IGDCC4: variants seen among roughly 807,000 people sequenced by gnomAD.
IGDCC4 encodes immunoglobulin superfamily DCC subclass member 4.
In IGDCC4, 72 loss-of-function variants were observed where a neutral mutation model predicts 116.6. The observed-to-expected ratio is 0.62, with a 90% CI of 0.51 to 0.75. IGDCC4 has a LOEUF of 0.75. Among genes scored for constraint, IGDCC4 ranks in the 30% least tolerant of loss-of-function variants. IGDCC4 has a pLI of 0.00. For synonymous variants in IGDCC4, 709 were observed against 719.9 expected, an observed-to-expected ratio of 0.98 and a Z score of 0.24; for missense variants, 1,501 against 1,662.4, an observed-to-expected ratio of 0.90 and a Z score of 1.69.
At chr15:65,385,526 G>A in intron 18 of IGDCC4, 1 of 553,252 alleles carries the variant, frequency 1.8e-6, no homozygotes, top group Non-Finnish European at 3.2e-6. Flanking sequence ...ACACGGGGAT[G>A]TCTGGGTCTC....
At position 65,388,933 on chromosome 15, in the gene IGDCC4, G is replaced by A. The variant is rs576203297; in HGVS notation, c.2582C>T (p.Pro861Leu). The A allele has an allele frequency of 1.5e-5, 24 of 1,612,552 alleles. No individual in the cohort carries two copies. The highest frequency in any genetic ancestry group is 1.8e-5 in the Non-Finnish European group (21 of 1,179,348). The change falls in exon 15 of 20, where the codon CCG becomes CTG. Residue 861 changes from proline to leucine, a missense_variant. Pro to Leu is a moderately conservative substitution (Grantham distance 98). Transcript: ENST00000352385. The part of the protein sequence containing the change: ...PSDLRLSPLT[P>L]STVRLHWCPP... The stretch of plus-strand genomic sequence containing the variant: ...GCACCAGTGCAGCCGAACCGTGGAC[G>A]GTGTCAGGGGGCTCAGTCGCAGGTC...
rs763312797 is a variant in IGDCC4 at position 65,391,647 on chromosome 15, T to C, written c.2224+233A>G. 4.2e-4 allele frequency among the ~76,000 whole-genome samples: 64 copies of C among 152,194 alleles called. 1 individual carries two copies. The highest frequency in any genetic ancestry group is 1.3e-3 in the Admixed American group (20 of 15,284). On this transcript the variant is annotated intron_variant, in intron 12 of 19. Coordinates refer to ENST00000352385, the MANE Select transcript of IGDCC4 (RefSeq NM_020962.3). Reference sequence around the variant, plus strand: ...AAACTTTGGAAATCAGCACTATTCATGGGTAATGCAAATAAGGTGGCAGGC... The same window carrying C: ...AAACTTTGGAAATCAGCACTATTCACGGGTAATGCAAATAAGGTGGCAGGC...
chr15:65,394,166 G>A (rs1595780709), intron 9 of IGDCC4, among the ~76,000 whole-genome samples: 1 of 152,150 alleles, frequency 6.6e-6, no homozygotes, highest in African/African-American at 2.4e-5. Flanking sequence ...CTCAGTAGAA[G>A]TACACACTGC....
chr15:65,392,141 G>A lies in IGDCC4; in HGVS notation c.2115C>T (p.Thr705=), dbSNP rs2062873127. Residue 705 remains threonine, a synonymous_variant, in exon 11 of 20, where the codon ACC becomes ACT. Coordinates refer to ENST00000352385, the MANE Select transcript of IGDCC4 (RefSeq NM_020962.3). ...CCCCCCAGCCCTCCTCACCTAGCTGGGTCAGCTCATACTGCTTCACTTTCT... is the reference window on the plus strand; with the variant it reads ...CCCCCCAGCCCTCCTCACCTAGCTGAGTCAGCTCATACTGCTTCACTTTCT... ...LKKKVKQYEL[T]QLVPGRLYEV... is the part of the protein sequence containing the mutation. 2 of 1,604,738 alleles carry A rather than the reference G, an allele frequency of 1.2e-6. No individual in the cohort carries two copies. Among genetic ancestry groups the A allele is most frequent in the Non-Finnish European group, 1.7e-6 (2 of 1,175,218 alleles).
chr15:65,394,632 C>A, intron 8 of IGDCC4, 84 bp from the exon 9 acceptor site: 1 of 1,367,416 alleles, frequency 7.3e-7, no homozygotes, highest in South Asian at 1.4e-5. Context: ...TTGCCTGGGT[C>A]ACACAGCAAG....
At position 65,384,907 on chromosome 15, in the gene IGDCC4, C is replaced by T; in HGVS notation, c.3342+47G>A. 6.4e-7 allele frequency: 1 copy of T among 1,569,888 alleles called. No individual in the cohort carries two copies. Among genetic ancestry groups the T allele is most frequent in the South Asian group, 1.2e-5 (1 of 86,888 alleles). On this transcript the variant is annotated intron_variant, in intron 19 of 19. Transcript: ENST00000352385. The surrounding 1 kb of genome is among the most constrained non-coding windows in gnomAD (Gnocchi z 4.9). The stretch of plus-strand genomic sequence containing the variant: ...ACTCATTACTTCCTCTTCACAAGCA[C>T]AGAGACCCTTTCCTCCTTTCCTGCC...
intron 3 of IGDCC4, among the ~76,000 whole-genome samples, chr15:65,409,768 C>T (rs1463739084): frequency 6.6e-6 from 1 of 152,194 alleles, no homozygotes; most frequent in African/African-American, 2.4e-5. Flanking sequence ...GTGGAAACTC[C>T]GGAGGAACCC....
chr15:65,396,734 G>A (rs994618333), intron 6 of IGDCC4, 100 bp downstream of exon 6: 1 of 1,431,082 alleles, frequency 7.0e-7, no homozygotes, highest in African/African-American at 1.4e-5. Flanking sequence ...CTCCAGGAGA[G>A]CGCCTGAGTG....
At chr15:65,391,848 C>T (rs953631439) in intron 12 of IGDCC4, 32 bp downstream of exon 12, 3 of 1,586,496 alleles carry the variant, frequency 1.9e-6, no homozygotes, top group African/African-American at 1.3e-5. Flanking sequence ...CTCACCTGAG[C>T]CCTCCCCGCC....
intron 1 of IGDCC4, among the ~76,000 whole-genome samples, chr15:65,417,525 G>A (rs1419363223): frequency 1.3e-5 from 2 of 152,180 alleles, no homozygotes; most frequent in African/African-American, 2.4e-5. Flanking sequence ...GATGTCCCTG[G>A]TTGATTTAGA....
At chr15:65,413,030 G>A (rs1469330608) in intron 1 of IGDCC4, among the ~76,000 whole-genome samples, 1 of 146,104 alleles carries the variant, frequency 6.8e-6, no homozygotes, top group Non-Finnish European at 1.5e-5. Context: ...GAAAATGTGT[G>A]TGTGTGTGTG....
rs970248945 is a variant in IGDCC4, at chr15:65,383,906, T to A, written c.*103A>T. On this transcript the variant is annotated 3_prime_UTR_variant, in exon 20 of 20. Transcript: ENST00000352385. ...GCAACTTAGGAAGCTCCAAAGGGCT[T>A]GATGATGTATCTACAGGCACACATG... The A allele has an allele frequency of 4.4e-6, 5 of 1,147,422 alleles. No individual in the cohort carries two copies. Among genetic ancestry groups the A allele is most frequent in the Non-Finnish European group, 6.0e-6 (5 of 837,584 alleles). 71.1% of individuals were successfully genotyped at this position (1,147,422 alleles called of 1,614,324 possible).
intron 1 of IGDCC4, among the ~76,000 whole-genome samples, chr15:65,421,742 G>A (rs2063193157): frequency 6.6e-6 from 1 of 151,496 alleles, no homozygotes; most frequent in Admixed American, 6.6e-5. Flanking sequence ...CCTCCGCGGG[G>A]AAGGCAAGAA....
Position 65,384,092 on chromosome 15 carries a change from C to T in IGDCC4, c.3670G>A (p.Gly1224Arg). The T allele has an allele frequency of 1.2e-6, 2 of 1,613,920 alleles. No individual in the cohort carries two copies. The highest frequency in any genetic ancestry group is 1.7e-6 in the Non-Finnish European group (2 of 1,179,934). ...QPGEVLEETPGDSCQLKSPCP... is the reference protein window; with the variant it reads ...QPGEVLEETPRDSCQLKSPCP... ...GGGGATTTGAGCTGGCAGCTATCTC[C>T]AGGGGTCTCCTCTAGCACCTCGCCT... is the stretch of plus-strand genomic sequence containing the variant. Residue 1224 changes from glycine (G) to arginine (R), a missense_variant, in exon 20 of 20, where the codon GGA becomes AGA. Physicochemically the swap from Gly to Arg is moderately radical, Grantham distance 125. Transcript: ENST00000352385. The surrounding 1 kb of genome is among the most constrained non-coding windows in gnomAD (Gnocchi z 4.9).
chr15:65,386,698 G>T, intron 16 of IGDCC4, 42 bp from the exon 17 acceptor site: 1 of 1,490,310 alleles, frequency 6.7e-7, no homozygotes, highest in Non-Finnish European at 9.3e-7. Flanking sequence ...CAGGACAGAG[G>T]AAGGGCACAG....
Position 65,384,497 on chromosome 15 carries a change from A to G in IGDCC4, c.3343-78T>C. ...TCAGAATGACCAGCGTACGTGGGGCAGAAAGTCTGACCCTCCATCAGAGTA... is the reference window on the plus strand; with the variant it reads ...TCAGAATGACCAGCGTACGTGGGGCGGAAAGTCTGACCCTCCATCAGAGTA... On this transcript the variant is annotated intron_variant, in intron 19 of 19. Coordinates refer to ENST00000352385, the MANE Select transcript of IGDCC4 (RefSeq NM_020962.3). This position sits in a 1 kb window ranked among gnomAD's most constrained non-coding sequence, Gnocchi z 4.9. The G allele has an allele frequency of 7.2e-7, 1 of 1,381,716 alleles. No individual in the cohort carries two copies. Among genetic ancestry groups the G allele is most frequent in the Non-Finnish European group, 9.6e-7 (1 of 1,038,736 alleles). The allele number at this position is 1,381,716 out of a possible 1,614,324, so 85.6% of individuals were successfully genotyped here. A position where few individuals can be genotyped will look rare whatever the true frequency, so the allele number is the denominator to read the frequency against.
rs575628252 is a variant in IGDCC4 at position 65,383,137 on chromosome 15, A to C, written c.*872T>G. ...CGGCAGCCGCGGATACAGGAAGGGC[A>C]CGGGGGCCTTGAAGCAGACATGAGG... On this transcript the variant is annotated 3_prime_UTR_variant, in exon 20 of 20. Transcript: ENST00000352385. 1 of 152,358 alleles carries C rather than the reference A, an allele frequency of 6.6e-6. No homozygotes were observed. The highest frequency in any genetic ancestry group is 2.1e-4 in the South Asian group (1 of 4,842). 9.4% of individuals were successfully genotyped at this position (152,358 alleles called of 1,614,324 possible).
At chr15:65,410,537 A>T in intron 2 of IGDCC4, 2 of 585,006 alleles carry the variant, frequency 3.4e-6, no homozygotes. Context: ...CCTGCCCAAC[A>T]TCATCATGAT....
chr15:65,397,325 G>A (rs775358351), intron 5 of IGDCC4, among the ~76,000 whole-genome samples: 1 of 152,134 alleles, frequency 6.6e-6, no homozygotes, highest in Non-Finnish European at 1.5e-5. Context: ...CTTCCCTGGG[G>A]TCCCAGCCCA....
Sources: gnomAD v4.1 joint callset for allele counts (sites outside exome capture counted in the v4.1 genomes callset) on GRCh38, gnomAD v4.1.1 for gene constraint, Gnocchi (gnomAD v3.1) non-coding constraint, MANE v1.5 for transcripts, NCBI Gene and HGNC (gene_info 2026-07-23, HGNC 2026-07-21) for gene names.